The following ANKRD17 variants were observed in gnomAD, a reference collection of about 807,000 sequenced individuals.
ANKRD17 encodes the protein ankyrin repeat domain 17.
Under a neutral mutation model 229.7 loss-of-function variants are expected in ANKRD17, and 19 were observed. The observed-to-expected ratio is 0.08, with a 90% CI of 0.06 to 0.12. ANKRD17 has a LOEUF of 0.12. Ranked by LOEUF, ANKRD17 falls within the 10% of genes least tolerant of loss-of-function variation. ANKRD17 has a pLI of 1.00. For synonymous variants in ANKRD17, 1,112 were observed against 1,146.1 expected, an observed-to-expected ratio of 0.97 and a Z score of 0.60; for missense variants, 2,176 against 3,176.8, an observed-to-expected ratio of 0.68 and a Z score of 7.57.
At chr4:73,228,723 T>C (rs563380356) in intron 1 of ANKRD17, among the ~76,000 whole-genome samples, 1 of 152,356 alleles carries the variant, frequency 6.6e-6, no homozygotes, top group East Asian at 1.9e-4. Flanking sequence ...GCTCAAATTT[T>C]CATTGCAGAA....
At chr4:73,139,398 A>T in intron 15 of ANKRD17, 133 bp downstream of exon 15, 1 of 1,025,222 alleles carries the variant, frequency 9.8e-7, no homozygotes, top group Non-Finnish European at 1.4e-6. Flanking sequence ...AGATTGAACT[A>T]ATACTTCTAA....
chr4:73,108,716 C>G (rs1174918922), intron 24 of ANKRD17, among the ~76,000 whole-genome samples: 1 of 152,052 alleles, frequency 6.6e-6, no homozygotes, highest in African/African-American at 2.4e-5. Flanking sequence ...CTGTCAGGAA[C>G]AGATTCAGGA....
At chr4:73,217,325 A>C (rs1741205272) in intron 1 of ANKRD17, among the ~76,000 whole-genome samples, 3 of 152,160 alleles carry the variant, frequency 2.0e-5, no homozygotes. Flanking sequence ...GGATTAACTA[A>C]CATAAGTGTA....
chr4:73,243,352 A>T (rs1019524196), intron 1 of ANKRD17, among the ~76,000 whole-genome samples: 3 of 152,210 alleles, frequency 2.0e-5, no homozygotes, highest in Non-Finnish European at 4.4e-5. Context: ...TCAAATTAGG[A>T]GGCTACTATG....
intron 1 of ANKRD17, among the ~76,000 whole-genome samples, chr4:73,230,808 T>C (rs1360996993): frequency 1.3e-5 from 2 of 152,166 alleles, no homozygotes; most frequent in Non-Finnish European, 2.9e-5. Flanking sequence ...TCCCCAGTAA[T>C]AGTTGTGTCT....
intron 25 of ANKRD17, among the ~76,000 whole-genome samples, chr4:73,100,451 C>T (rs1231081716): frequency 6.8e-5 from 10 of 147,450 alleles, no homozygotes; most frequent in Middle Eastern, 3.2e-3. Context: ...TTTGCAGTTA[C>T]TTGAATAAAA....
intron 1 of ANKRD17, among the ~76,000 whole-genome samples, chr4:73,234,070 T>C (rs1743301140): frequency 1.3e-5 from 2 of 152,170 alleles, no homozygotes; most frequent in Admixed American, 1.3e-4. Context: ...CCTAAATCTC[T>C]TGCTCTGAGA....
rs529951867 is a variant in ANKRD17, at chr4:73,223,893, G to A, written c.393+34383C>T. 5.3e-5 allele frequency among the ~76,000 whole-genome samples: 8 copies of A among 152,216 alleles called. No homozygotes were observed. In the East Asian group the frequency reaches 1.5e-3, roughly 29 times the overall value. Reference sequence around the variant, plus strand: ...ATTCCTGTAATTGATCTTCCATTTAGTAAAACTTGTTAGATTGTCAAATTT... The same window carrying A: ...ATTCCTGTAATTGATCTTCCATTTAATAAAACTTGTTAGATTGTCAAATTT... On this transcript the variant is annotated intron_variant, in intron 1 of 33. Transcript: ENST00000358602.
intron 14 of ANKRD17, 147 bp downstream of exon 14, chr4:73,141,594 T>A: frequency 1.5e-6 from 1 of 678,746 alleles, no homozygotes; most frequent in Non-Finnish European, 2.5e-6. Context: ...ACTATTTTTT[T>A]CTCCCAATAA....
chr4:73,224,241 C>T (rs1269690260), intron 1 of ANKRD17, among the ~76,000 whole-genome samples: 2 of 151,832 alleles, frequency 1.3e-5, no homozygotes, highest in East Asian at 3.9e-4. Context: ...GAGACTGTCT[C>T]CAAAAACAAA....
intron 16 of ANKRD17, among the ~76,000 whole-genome samples, chr4:73,125,863 T>C (rs763324762): frequency 4.6e-5 from 7 of 152,110 alleles, no homozygotes; most frequent in East Asian, 1.9e-4. Flanking sequence ...AATCACGTGA[T>C]TGAAAGAAAT....
intron 1 of ANKRD17, among the ~76,000 whole-genome samples, chr4:73,240,651 C>T (rs1743937784): frequency 6.6e-6 from 1 of 151,904 alleles, no homozygotes; most frequent in African/African-American, 2.4e-5. Context: ...TAAAAAAACA[C>T]ATAACTGACT....
At chr4:73,135,338 A>T in intron 15 of ANKRD17, 73 bp from the exon 16 acceptor site, 1 of 1,426,814 alleles carries the variant, frequency 7.0e-7, no homozygotes, top group Non-Finnish European at 9.5e-7. Flanking sequence ...TTCACTCAAA[A>T]ATATTTAAAG....
At chr4:73,181,115 GTAATCACAATAAA>G (rs1458137422) in intron 1 of ANKRD17, among the ~76,000 whole-genome samples, 3 of 152,098 alleles carry the variant, frequency 2.0e-5, no homozygotes, top group African/African-American at 4.8e-5. Context: ...GAACAAAGGG[GTAATCACAATAAA>G]TACATCTAAA....
rs900406653 is a variant in ANKRD17, at chr4:73,125,005, T to C, written c.3400A>G (p.Ile1134Val). Reference sequence around the variant, plus strand: ...ATGTCTGCACCATTGTCCAGCAATATTTCCACAACACCAACATGACCAGCT... The same window carrying C: ...ATGTCTGCACCATTGTCCAGCAATACTTCCACAACACCAACATGACCAGCT... ...ATAGHVGVVE[I>V]LLDNGADIEA... Residue 1134 changes from isoleucine (I) to valine (V), a missense_variant, in exon 18 of 34, where the codon ATA becomes GTA. This residue lies in a region of ANKRD17 where 178 missense variants were observed against 421.7 expected (regional missense o/e 0.42). Transcript: ENST00000358602. 1 of 1,614,052 alleles carries C rather than the reference T, an allele frequency of 6.2e-7. No individual in the cohort carries two copies. The highest frequency in any genetic ancestry group is 1.3e-5 in the African/African-American group (1 of 74,908).
intron 1 of ANKRD17, among the ~76,000 whole-genome samples, chr4:73,205,637 A>G (rs912472779): frequency 6.6e-5 from 10 of 152,210 alleles, no homozygotes; most frequent in African/African-American, 1.4e-4. Context: ...CTGCAAAACT[A>G]CTAGAAGAAA....
chr4:73,148,845 T>C lies in ANKRD17; in HGVS notation c.1535A>G (p.His512Arg). The change falls in exon 8 of 34, where the codon CAT (histidine) becomes CGT (arginine). Residue 512 changes from histidine to arginine, a missense_variant. Physicochemically the swap from His to Arg is conservative, Grantham distance 29 (BLOSUM62 0). Around this residue, in one of 18 missense-constraint regions of ANKRD17, gnomAD observed 42 missense variants for 141.3 expected, o/e 0.30. Coordinates refer to ENST00000358602, the MANE Select transcript of ANKRD17 (RefSeq NM_032217.5). ...TPLMEAAREGHEEMVALLLGQ... is the reference protein window; with the variant it reads ...TPLMEAAREGREEMVALLLGQ... Reference sequence around the variant, plus strand: ...AAGAAGTAATGCCACCATTTCTTCATGTCCTTCTCGAGCTGCTTCCATCAA... The same window carrying C: ...AAGAAGTAATGCCACCATTTCTTCACGTCCTTCTCGAGCTGCTTCCATCAA... 1.2e-6 allele frequency: 2 copies of C among 1,614,080 alleles called. No homozygotes were observed. The highest frequency in any genetic ancestry group is 2.2e-5 in the East Asian group (1 of 44,878).
intron 8 of ANKRD17, among the ~76,000 whole-genome samples, chr4:73,148,531 C>T (rs1560597288): frequency 6.6e-6 from 1 of 152,120 alleles, no homozygotes; most frequent in Non-Finnish European, 1.5e-5. Flanking sequence ...AATGTTGGCT[C>T]TTATATTCCC....
chr4:73,217,780 A>T (rs1741277205), intron 1 of ANKRD17, among the ~76,000 whole-genome samples: 1 of 152,240 alleles, frequency 6.6e-6, no homozygotes, highest in Non-Finnish European at 1.5e-5. Flanking sequence ...CTACTAAAAA[A>T]AATTGCATAA....
Sources: gnomAD v4.1 joint callset for allele counts (sites outside exome capture counted in the v4.1 genomes callset) on GRCh38, gnomAD v4.1.1 for gene constraint, gnomAD v4.1.1 regional missense constraint, MANE v1.5 for transcripts, NCBI Gene and HGNC (gene_info 2026-07-23, HGNC 2026-07-21) for gene names.